Variants in GRM7 observed in about 807,000 individuals in gnomAD.
GRM7 encodes metabotropic glutamate receptor 7.
In GRM7, 35 loss-of-function variants were observed where a neutral mutation model predicts 84.5. The observed-to-expected ratio is 0.41, with a 90% CI of 0.32 to 0.55. The LOEUF (loss-of-function observed/expected upper bound fraction) is 0.55, where lower values mean the gene tolerates loss of function less well. GRM7 is among the 20% of genes least tolerant of loss of function. GRM7 has a pLI of 0.19. For synonymous variants in GRM7, 487 were observed against 455.1 expected (o/e 1.07, Z -0.89); for missense variants, 1,003 against 1,194.6 (o/e 0.84, Z 2.36).
chr3:6,902,810 C>T (rs1417312402), intron 1 of GRM7, among the ~76,000 whole-genome samples: 2 of 150,518 alleles, frequency 1.3e-5, no homozygotes, highest in African/African-American at 4.9e-5. Context: ...ATAGTATGTA[C>T]CCTTGAGTTT....
In GRM7 at chr3:7,240,127, T is replaced by TTTTTTTG. The variant is rs1575069708; in HGVS notation, c.737-58551_737-58550insGTTTTTT. On this transcript the variant is annotated intron_variant, in intron 2 of 9. Transcript: ENST00000357716. ...AATCTTTTAGCATGTGAGGTTTTTT[T>TTTTTTTG]TTTTTTTTTTTTTTTTTCCAGTGGC... 8.6e-5 allele frequency among the ~76,000 whole-genome samples: 11 copies of TTTTTTTG among 127,920 alleles called. 1 individual carries two copies. In the South Asian group the frequency reaches 1.5e-3, roughly 17 times the overall value. The allele number at this position is 127,920 out of a possible 152,430, so 83.9% of individuals were successfully genotyped here.
chr3:7,258,834 A>C (rs1181033759), intron 2 of GRM7, among the ~76,000 whole-genome samples: 1 of 152,246 alleles, frequency 6.6e-6, no homozygotes, highest in Non-Finnish European at 1.5e-5. Context: ...ATCAGAAGGA[A>C]AGAAGATAGC....
chr3:7,110,045 TA>T (rs1282680130), intron 1 of GRM7, among the ~76,000 whole-genome samples: 1 of 152,140 alleles, frequency 6.6e-6, no homozygotes, highest in African/African-American at 2.4e-5. Context: ...AATGACAATT[TA>T]AAAAATATAC....
intron 9 of GRM7, among the ~76,000 whole-genome samples, chr3:7,689,620 G>A (rs147023647): frequency 1.8e-4 from 28 of 152,222 alleles, no homozygotes; most frequent in South Asian, 4.2e-4. Flanking sequence ...TGCAACTGCC[G>A]TCTTAAGTTC....
At chr3:7,386,557 A>AG (rs1694793647) in intron 4 of GRM7, among the ~76,000 whole-genome samples, 1 of 152,186 alleles carries the variant, frequency 6.6e-6, no homozygotes, top group African/African-American at 2.4e-5. Context: ...TAATTCGCTT[A>AG]GGATACTGGC....
At chr3:7,408,122 A>G (rs370565413) in intron 4 of GRM7, among the ~76,000 whole-genome samples, 18 of 152,224 alleles carry the variant, frequency 1.2e-4, no homozygotes, top group African/African-American at 4.1e-4. Flanking sequence ...GAAGCTAGGA[A>G]TTGAACCCTA....
chr3:7,643,383 G>A (rs1372791407), intron 8 of GRM7, among the ~76,000 whole-genome samples: 2 of 151,828 alleles, frequency 1.3e-5, no homozygotes, highest in Non-Finnish European at 2.9e-5. Context: ...TGGGACTCTG[G>A]AAAACTGAAG....
intron 2 of GRM7, among the ~76,000 whole-genome samples, chr3:7,254,680 G>A (rs1293483622): frequency 6.6e-6 from 1 of 152,202 alleles, no homozygotes; most frequent in Admixed American, 6.5e-5. Flanking sequence ...GTAGTTTGCT[G>A]ACCTCTGCTG....
At chr3:7,203,821 A>G (rs1342440785) in intron 2 of GRM7, among the ~76,000 whole-genome samples, 1 of 152,186 alleles carries the variant, frequency 6.6e-6, no homozygotes, top group African/African-American at 2.4e-5. Flanking sequence ...CACAGAAAAT[A>G]AATATTCCTT....
chr3:7,246,218 G>A (rs1003374695), intron 2 of GRM7, among the ~76,000 whole-genome samples: 7 of 152,046 alleles, frequency 4.6e-5, no homozygotes, highest in African/African-American at 1.7e-4. Context: ...CTTCTCCCCA[G>A]GAAATGTAAA....
intron 4 of GRM7, among the ~76,000 whole-genome samples, chr3:7,359,732 T>C (rs1693579395): frequency 6.8e-6 from 1 of 146,758 alleles, no homozygotes; most frequent in Non-Finnish European, 1.5e-5. Flanking sequence ...TACTCTGTAT[T>C]ATTGTAAATG....
chr3:7,441,202 T>A (rs1697272661), intron 5 of GRM7, among the ~76,000 whole-genome samples: 1 of 152,184 alleles, frequency 6.6e-6, no homozygotes, highest in Non-Finnish European at 1.5e-5. Flanking sequence ...AGATGGTATC[T>A]AATTATGGTT....
In GRM7 at chr3:7,415,024, G is replaced by T; in HGVS notation, c.1035G>T (p.Gly345=). 1 of 1,611,738 alleles carries T rather than the reference G, an allele frequency of 6.2e-7. No individual in the cohort carries two copies. Among genetic ancestry groups the T allele is most frequent in the Non-Finnish European group, 8.5e-7 (1 of 1,178,346 alleles). ...TIQPKRATVE[G]FDAYFTSRTL... ...ACCTTTTCATTTAACTCTGTTTAGG[G>T]TTTGATGCCTACTTTACGTCCCGTA... Residue 345 remains glycine, a splice_region_variant and synonymous_variant, in exon 5 of 10, where the codon GGG becomes GGT. Coordinates refer to ENST00000357716, the MANE Select transcript of GRM7 (RefSeq NM_000844.4).
intron 1 of GRM7, among the ~76,000 whole-genome samples, chr3:6,970,909 G>C (rs934519435): frequency 1.2e-4 from 18 of 152,130 alleles, no homozygotes; most frequent in African/African-American, 4.3e-4. Context: ...GTGAACCCGG[G>C]AGGCTGAGGT....
chr3:7,309,183 C>T (rs979502530), intron 4 of GRM7, among the ~76,000 whole-genome samples: 7 of 152,118 alleles, frequency 4.6e-5, no homozygotes, highest in African/African-American at 1.7e-4. Context: ...AAGTTTTGTT[C>T]ACTTTCGTAG....
chr3:7,706,602 G>A (rs746707800), intron 9 of GRM7, among the ~76,000 whole-genome samples: 6 of 152,272 alleles, frequency 3.9e-5, no homozygotes, highest in Admixed American at 1.3e-4. Flanking sequence ...GGGTCCAAGC[G>A]AAGTGTCAAA....
intron 2 of GRM7, among the ~76,000 whole-genome samples, chr3:7,183,297 C>T (rs1695405162): frequency 1.3e-5 from 2 of 152,136 alleles, no homozygotes; most frequent in Non-Finnish European, 2.9e-5. Context: ...TAACTCATGC[C>T]TTTAGCATTT....
At chr3:7,213,450 A>T (rs1696496916) in intron 2 of GRM7, among the ~76,000 whole-genome samples, 1 of 152,232 alleles carries the variant, frequency 6.6e-6, no homozygotes, top group Admixed American at 6.5e-5. Flanking sequence ...AGACTGAATG[A>T]AAATGAAGCT....
chr3:7,543,699 A>G (rs1310351204), intron 7 of GRM7, among the ~76,000 whole-genome samples: 4 of 152,246 alleles, frequency 2.6e-5, no homozygotes, highest in Admixed American at 2.6e-4. Context: ...AGATTTTGTC[A>G]GAATTTAATA....
Sources: allele counts gnomAD v4.1 joint callset (sites outside exome capture counted in the v4.1 genomes callset), GRCh38; gene constraint gnomAD v4.1.1; transcripts MANE v1.5; gene names NCBI Gene and HGNC (gene_info 2026-07-23, HGNC 2026-07-21).